The following CDH2 variants were observed in gnomAD, a reference collection of about 807,000 sequenced individuals.
CDH2 encodes the protein cadherin 2.
CDH2 carries 17 observed loss-of-function variants against 92.0 expected under a neutral mutation model. That is an observed-to-expected ratio of 0.18 (90% confidence interval 0.13 to 0.28). The LOEUF (loss-of-function observed/expected upper bound fraction) is 0.28. CDH2 is among the 10% of genes least tolerant of loss of function. CDH2 has a pLI of 1.00. For missense variants in CDH2, 862 were observed against 1,133.1 expected, an observed-to-expected ratio of 0.76 and a Z score of 3.44; for synonymous variants, 419 against 415.9, an observed-to-expected ratio of 1.01 and a Z score of -0.09.
At chr18:27,968,768 G>A (rs1202672685) in intron 14 of CDH2, among the ~76,000 whole-genome samples, 1 of 152,144 alleles carries the variant, frequency 6.6e-6, no homozygotes, top group Non-Finnish European at 1.5e-5. Flanking sequence ...CATTAAAAAT[G>A]TTTCAAGACT....
At chr18:27,936,591 G>A (rs758028708) in intron 6 of CDH2, among the ~76,000 whole-genome samples, 8 of 152,016 alleles carry the variant, frequency 5.3e-5, no homozygotes, top group Non-Finnish European at 8.8e-5. Context: ...GTGCAGTGGT[G>A]CTATCACAGC....
At chr18:28,000,078 T>TC (rs34741934) in intron 7 of CDH2, among the ~76,000 whole-genome samples, 1 of 151,266 alleles carries the variant, frequency 6.6e-6, no homozygotes, top group Non-Finnish European at 1.5e-5. Context: ...TTATAAATTA[T>TC]CCAGTCTCAG....
intron 2 of CDH2, among the ~76,000 whole-genome samples, chr18:28,075,295 T>C (rs929788223): frequency 6.6e-6 from 1 of 152,002 alleles, no homozygotes; most frequent in Admixed American, 6.6e-5. Context: ...GTGCACAGAG[T>C]GCTAGATAGC....
chr18:27,990,094 T>C lies in CDH2; in HGVS notation c.1598+3A>G. ...CAAAAACACTACAAACAGCATTTCA[T>C]ACCTAATATTTTGCTGCATATATCG... On this transcript the variant is annotated splice_donor_region_variant and intron_variant, in intron 10 of 15. Coordinates refer to ENST00000269141, the MANE Select transcript of CDH2 (RefSeq NM_001792.5). The C allele has an allele frequency of 6.2e-7, 1 of 1,612,916 alleles. No homozygotes were observed. The highest frequency in any genetic ancestry group is 8.5e-7 in the Non-Finnish European group (1 of 1,178,930).
At chr18:28,088,091 G>C (rs2014969096) in intron 2 of CDH2, among the ~76,000 whole-genome samples, 1 of 152,194 alleles carries the variant, frequency 6.6e-6, no homozygotes, top group Non-Finnish European at 1.5e-5. Context: ...CAGTAAGTCA[G>C]AGAAAATTAA....
At chr18:27,999,016 C>G (rs551750822) in intron 7 of CDH2, among the ~76,000 whole-genome samples, 12 of 152,300 alleles carry the variant, frequency 7.9e-5, no homozygotes, top group African/African-American at 2.6e-4. Flanking sequence ...TCCAGATATA[C>G]TTTCTGTGTA....
intron 2 of CDH2, among the ~76,000 whole-genome samples, chr18:28,062,884 A>G (rs377653282): frequency 1.3e-5 from 2 of 152,136 alleles, no homozygotes; most frequent in South Asian, 4.2e-4. Context: ...GAGGCAGGAG[A>G]ATTGCTTGCA....
At chr18:28,092,298 C>T (rs746183048) in intron 2 of CDH2, among the ~76,000 whole-genome samples, 1 of 151,978 alleles carries the variant, frequency 6.6e-6, no homozygotes, top group Non-Finnish European at 1.5e-5. Context: ...GACCATGATG[C>T]CAAATCAACA....
intron 2 of CDH2, among the ~76,000 whole-genome samples, chr18:28,098,470 T>C (rs140622273): frequency 6.6e-6 from 1 of 152,278 alleles, no homozygotes; most frequent in Non-Finnish European, 1.5e-5. Flanking sequence ...CCTTGTTTTA[T>C]GTGCATTTCT....
chr18:28,009,778 G>C lies in CDH2; in HGVS notation c.641C>G (p.Pro214Arg). ...TGTCACCGACAGCTGACCCGAGATG[G>C]GGTTGATAATGAAGATACCAGTTGG... The part of the protein sequence containing the change: ...QPPTGIFIIN[P>R]ISGQLSVTKP... Residue 214 changes from proline (P) to arginine (R), a missense_variant, in exon 5 of 16, where the codon CCC (proline) becomes CGC (arginine). By Grantham distance (103) the Pro-to-Arg change is moderately radical. This residue lies in a region of CDH2 where 564 missense variants were observed against 722.2 expected (regional missense o/e 0.78). Coordinates refer to ENST00000269141, the MANE Select transcript of CDH2 (RefSeq NM_001792.5). 6.2e-7 allele frequency: 1 copy of C among 1,614,002 alleles called. No individual in the cohort carries two copies. The highest frequency in any genetic ancestry group is 8.5e-7 in the Non-Finnish European group (1 of 1,179,976).
intron 2 of CDH2, among the ~76,000 whole-genome samples, chr18:28,035,799 G>C (rs2013811304): frequency 6.6e-6 from 1 of 152,042 alleles, no homozygotes; most frequent in African/African-American, 2.4e-5. Context: ...GCCTGAATAT[G>C]TATGTCTCAT....
In CDH2 at chr18:27,952,175, A is replaced by G. The variant is rs1909488635; in HGVS notation, c.2699T>C (p.Met900Thr). Reference sequence around the variant, plus strand: ...AGTTCAGTCATCACCTCCACCATACATGTCAGCAAGTTTCTTGAACCGTGG... The same window carrying G: ...AGTTCAGTCATCACCTCCACCATACGTGTCAGCAAGTTTCTTGAACCGTGG... ...WGPRFKKLAD[M>T]YGGGDD Residue 900 changes from methionine (M) to threonine (T), a missense_variant, in exon 16 of 16, where the codon ATG becomes ACG. By Grantham distance (81) the Met-to-Thr change is moderately conservative. This residue lies in a region of CDH2 where 114 missense variants were observed against 144.8 expected (regional missense o/e 0.79). Transcript: ENST00000269141. 6.2e-7 allele frequency: 1 copy of G among 1,613,600 alleles called. No individual in the cohort carries two copies. Among genetic ancestry groups the G allele is most frequent in the Non-Finnish European group, 8.5e-7 (1 of 1,179,630 alleles).
chr18:27,940,300 C>T (rs1367064605), intron 6 of CDH2, among the ~76,000 whole-genome samples: 1 of 152,192 alleles, frequency 6.6e-6, no homozygotes, highest in Non-Finnish European at 1.5e-5. Context: ...ACTCGCTCTT[C>T]TCTTGGGTAA....
intron 2 of CDH2, chr18:28,045,628 T>G (rs937432761): frequency 3.3e-6 from 1 of 301,368 alleles, no homozygotes; most frequent in Non-Finnish European, 6.5e-6. Context: ...ACTCATCTTT[T>G]AAGGGTCATT....
chr18:27,956,630 C>T (rs745491042), intron 15 of CDH2, among the ~76,000 whole-genome samples: 9 of 152,144 alleles, frequency 5.9e-5, no homozygotes, highest in Non-Finnish European at 1.3e-4. Flanking sequence ...ACTGTTCCAG[C>T]TTCTTTCCTA....
chr18:28,064,678 C>A (rs1186482071), intron 2 of CDH2, among the ~76,000 whole-genome samples: 3 of 149,346 alleles, frequency 2.0e-5, no homozygotes, highest in Admixed American at 6.6e-5. Flanking sequence ...AAAAAAAAAA[C>A]AACTGGAGCC....
chr18:28,024,170 A>G (rs1022801611), intron 2 of CDH2, among the ~76,000 whole-genome samples: 2 of 152,142 alleles, frequency 1.3e-5, no homozygotes, highest in Admixed American at 1.3e-4. Context: ...TCACTTCATC[A>G]CTTTTGCATG....
chr18:28,094,916 C>CA (rs1759509414), intron 2 of CDH2, among the ~76,000 whole-genome samples: 1 of 151,296 alleles, frequency 6.6e-6, no homozygotes, highest in East Asian at 1.9e-4. Context: ...CAATTTAACT[C>CA]AAAACCTATA....
chr18:28,138,719 C>T (rs2015904407), intron 2 of CDH2, among the ~76,000 whole-genome samples: 1 of 152,066 alleles, frequency 6.6e-6, no homozygotes, highest in Non-Finnish European at 1.5e-5. Flanking sequence ...CACATGATCA[C>T]CGTTCAACAT....
Sources: allele counts gnomAD v4.1 joint callset (sites outside exome capture counted in the v4.1 genomes callset), GRCh38; gene constraint gnomAD v4.1.1; regional missense constraint gnomAD v4.1.1; transcripts MANE v1.5; gene names NCBI Gene and HGNC (gene_info 2026-07-23, HGNC 2026-07-21).